The following REC114 variants were observed in gnomAD, a reference collection of about 807,000 sequenced individuals.
REC114 encodes the protein REC114 meiotic recombination protein.
A neutral mutation model predicts 31.3 loss-of-function variants in REC114; 27 were observed. The ratio of observed to expected loss-of-function variants is 0.86; its 90% confidence interval spans 0.64 to 1.19. REC114 has a LOEUF of 1.19. REC114 is among the 50% of genes most tolerant of loss of function. The probability of loss-of-function intolerance (pLI) is 0.00; values close to 1 mark genes in which losing one functional copy is unlikely to be tolerated. For missense variants in REC114, 344 were observed against 326.9 expected (o/e 1.05, Z -0.40); for synonymous variants, 134 against 127.7 (o/e 1.05, Z -0.33).
rs769569268 is a variant in REC114, at chr15:73,462,884, C to CAAAAAAAAAAAAA, written c.160-10937_160-10925dup. Among the ~76,000 whole-genome samples the CAAAAAAAAAAAAA allele has an allele frequency of 2.1e-3, 115 of 55,638 alleles. 8 individuals carry two copies. Among genetic ancestry groups the CAAAAAAAAAAAAA allele is most frequent in the African/African-American group, 7.4e-3 (105 of 14,174 alleles). The allele number at this position is 55,638 out of a possible 152,430, so 36.5% of individuals were successfully genotyped here. ...TGGGCAACAGAGTGAGACTCCGTCT[C>CAAAAAAAAAAAAA]AAAAAAAAAAAAAAAAAAAAAAATT... On this transcript the variant is annotated intron_variant, in intron 1 of 5. Coordinates refer to ENST00000331090, the MANE Select transcript of REC114 (RefSeq NM_001042367.2).
chr15:73,543,719 C>T (rs1038842377), intron 3 of REC114, among the ~76,000 whole-genome samples: 3 of 152,062 alleles, frequency 2.0e-5, no homozygotes, highest in African/African-American at 7.2e-5. Flanking sequence ...CCTTACTAAA[C>T]TTTTATTAAC....
In REC114 at chr15:73,473,843, CA is replaced by C. The variant is rs1258664204; in HGVS notation, c.173del (p.Asn58MetfsTer11). On this transcript the variant is annotated frameshift_variant, in exon 2 of 6. Transcript: ENST00000331090. LOFTEE classifies it high-confidence loss of function. ...PCPTWKVFDS[N>X]EESGYLVLTI... ...TTCTCCCTTTCAAGGTTTTTGATTCCAATGAAGAATCTGGATATCTTGTTCT... is the reference window on the plus strand; with the variant it reads ...TTCTCCCTTTCAAGGTTTTTGATTCCATGAAGAATCTGGATATCTTGTTCT... The C allele has an allele frequency of 1.3e-6, 2 of 1,568,760 alleles. No individual in the cohort carries two copies. The highest frequency in any genetic ancestry group is 2.3e-5 in the South Asian group (2 of 85,192).
chr15:73,453,452 TAA>T (rs2151251797), intron 1 of REC114, among the ~76,000 whole-genome samples: 2 of 152,258 alleles, frequency 1.3e-5, no homozygotes, highest in East Asian at 3.9e-4. Context: ...TGATGATCAT[TAA>T]AAAGTCAGGA....
intron 2 of REC114, among the ~76,000 whole-genome samples, chr15:73,508,825 T>C (rs1214454253): frequency 6.6e-6 from 1 of 151,774 alleles, no homozygotes; most frequent in Non-Finnish European, 1.5e-5. Context: ...GTGCCACATT[T>C]CCTTAATCCA....
At chr15:73,548,930 G>A (rs527271606) in intron 3 of REC114, among the ~76,000 whole-genome samples, 9 of 152,164 alleles carry the variant, frequency 5.9e-5, no homozygotes, top group Non-Finnish European at 1.0e-4. Context: ...CACAGGAACA[G>A]AAAACCAAAT....
At chr15:73,493,666 A>G (rs1479767415) in intron 2 of REC114, among the ~76,000 whole-genome samples, 1 of 152,162 alleles carries the variant, frequency 6.6e-6, no homozygotes, top group East Asian at 1.9e-4. Context: ...ATAAGTTTAC[A>G]TTTCTGTTCA....
Position 73,443,210 on chromosome 15 carries a change from T to A in REC114, c.25T>A (p.Leu9Met). 1 of 1,574,094 alleles carries A rather than the reference T, an allele frequency of 6.4e-7. No individual in the cohort carries two copies. Among genetic ancestry groups the A allele is most frequent in the Non-Finnish European group, 8.6e-7 (1 of 1,160,908 alleles). Residue 9 changes from leucine (L) to methionine (M), a missense_variant, in exon 1 of 6, where the codon TTG becomes ATG. Physicochemically the swap from Leu to Met is conservative, Grantham distance 15 (BLOSUM62 2). Coordinates refer to ENST00000331090, the MANE Select transcript of REC114 (RefSeq NM_001042367.2). MAEAGKVP[L>M]SLGLTGGEAA... ...CATGGCGGAGGCAGGAAAAGTGCCCTTGAGCCTCGGGCTTACCGGAGGAGA... is the reference window on the plus strand; with the variant it reads ...CATGGCGGAGGCAGGAAAAGTGCCCATGAGCCTCGGGCTTACCGGAGGAGA...
chr15:73,552,418 A>C (rs2141336439), intron 4 of REC114, among the ~76,000 whole-genome samples: 2 of 152,366 alleles, frequency 1.3e-5, no homozygotes, highest in Middle Eastern at 6.8e-3. Flanking sequence ...TTGTTTTAGA[A>C]AAGTTATTTT....
At chr15:73,488,302 C>A (rs1026558563) in intron 2 of REC114, among the ~76,000 whole-genome samples, 5 of 152,178 alleles carry the variant, frequency 3.3e-5, no homozygotes, top group African/African-American at 1.2e-4. Context: ...CCATACTATT[C>A]TTTTTATCAA....
intron 2 of REC114, among the ~76,000 whole-genome samples, chr15:73,500,540 C>T (rs907439250): frequency 1.3e-5 from 2 of 152,108 alleles, no homozygotes; most frequent in East Asian, 1.9e-4. Flanking sequence ...GGAGAGATCA[C>T]GCATGGAGGA....
chr15:73,522,834 A>AG (rs764088910), intron 2 of REC114, among the ~76,000 whole-genome samples: 2 of 152,322 alleles, frequency 1.3e-5, no homozygotes, highest in South Asian at 2.1e-4. Context: ...TATATTCTTA[A>AG]CTATGTAAGA....
intron 3 of REC114, among the ~76,000 whole-genome samples, chr15:73,544,970 C>T (rs750156916): frequency 2.0e-5 from 3 of 152,172 alleles, no homozygotes; most frequent in Admixed American, 6.5e-5. Context: ...AACTGGGCTC[C>T]ACATTTTCCA....
chr15:73,490,980 T>A (rs1160640158), intron 2 of REC114, among the ~76,000 whole-genome samples: 1 of 152,196 alleles, frequency 6.6e-6, no homozygotes, highest in African/African-American at 2.4e-5. Flanking sequence ...TTCAGCATGA[T>A]GTTTTTGAGC....
chr15:73,559,838 C>T lies in REC114; in HGVS notation c.723C>T (p.Cys241=), dbSNP rs1280830562. 1 of 1,612,384 alleles carries T rather than the reference C, an allele frequency of 6.2e-7. No individual in the cohort carries two copies. The highest frequency in any genetic ancestry group is 1.3e-5 in the African/African-American group (1 of 74,886). ...AGTTAGGCCCCTTCCTACGTTTGTG[C>T]CTTATGGATCAGAATTTCCCAGCAT... ...AEELGPFLRL[C]LMDQNFPAFV... Residue 241 remains cysteine, a synonymous_variant, in exon 6 of 6, where the codon TGC becomes TGT. Transcript: ENST00000331090.
intron 1 of REC114, among the ~76,000 whole-genome samples, chr15:73,451,573 T>A (rs1892849395): frequency 2.0e-5 from 3 of 152,218 alleles, no homozygotes; most frequent in Non-Finnish European, 4.4e-5. Flanking sequence ...CTGGTACCAT[T>A]CCTTGTGAAA....
intron 2 of REC114, among the ~76,000 whole-genome samples, chr15:73,533,000 AC>A (rs1331192822): frequency 8.2e-6 from 1 of 121,726 alleles, no homozygotes; most frequent in Admixed American, 9.4e-5. Flanking sequence ...AGATTTTGTC[AC>A]CACCAGGCCT....
intron 1 of REC114, among the ~76,000 whole-genome samples, chr15:73,463,986 C>T (rs1025755418): frequency 2.0e-5 from 3 of 151,948 alleles, no homozygotes; most frequent in East Asian, 1.9e-4. Flanking sequence ...GAACTTAAAC[C>T]GTTTGTATCT....
chr15:73,449,466 A>G (rs1892814647), intron 1 of REC114, among the ~76,000 whole-genome samples: 1 of 152,186 alleles, frequency 6.6e-6, no homozygotes. Flanking sequence ...AAAAGAAACG[A>G]ACAAAGCCTC....
At chr15:73,532,313 CT>C (rs1012643935) in intron 2 of REC114, among the ~76,000 whole-genome samples, 1 of 147,704 alleles carries the variant, frequency 6.8e-6, no homozygotes, top group African/African-American at 2.5e-5. Flanking sequence ...AGGACATGAA[CT>C]CATCATTTTT....
Sources: gnomAD v4.1 joint callset for allele counts (sites outside exome capture counted in the v4.1 genomes callset) on GRCh38, gnomAD v4.1.1 for gene constraint, MANE v1.5 for transcripts, NCBI Gene and HGNC (gene_info 2026-07-23, HGNC 2026-07-21) for gene names.